Variants in PTPRN2 observed in about 807,000 individuals in gnomAD.
PTPRN2 encodes receptor-type tyrosine-protein phosphatase N2.
In PTPRN2, 74 loss-of-function variants were observed where a neutral mutation model predicts 118.8. That is an observed-to-expected ratio of 0.62 (90% confidence interval 0.52 to 0.76). PTPRN2 has a LOEUF of 0.76. Among genes scored for constraint, PTPRN2 ranks in the 30% least tolerant of loss-of-function variants. PTPRN2 has a pLI of 0.00. For synonymous variants in PTPRN2, 641 were observed against 608.0 expected (o/e 1.05, Z -0.80); for missense variants, 1,481 against 1,394.4 (o/e 1.06, Z -0.99).
intron 2 of PTPRN2, among the ~76,000 whole-genome samples, chr7:158,391,163 C>T (rs576448655): frequency 8.5e-4 from 129 of 152,344 alleles, no homozygotes; most frequent in African/African-American, 2.7e-3. Context: ...ACACCCTAAC[C>T]CAGCAGCTGC....
intron 2 of PTPRN2, among the ~76,000 whole-genome samples, chr7:158,360,784 T>A (rs569506934): frequency 2.1e-4 from 1 of 4,754 alleles, no homozygotes; most frequent in Non-Finnish European, 3.8e-4. Context: ...ACATCCACCC[T>A]CACCCAGGAC....
chr7:158,150,383 C>A (rs1436014740), intron 6 of PTPRN2, among the ~76,000 whole-genome samples: 2 of 152,198 alleles, frequency 1.3e-5, no homozygotes, highest in Non-Finnish European at 2.9e-5. Flanking sequence ...TCTCCGCCCT[C>A]CACATGCAGG....
intron 12 of PTPRN2, among the ~76,000 whole-genome samples, chr7:157,876,541 C>T (rs1280439162): frequency 3.9e-5 from 6 of 152,158 alleles, no homozygotes; most frequent in South Asian, 2.1e-4. Flanking sequence ...CATGAGTAAA[C>T]GGCCCTAGAA....
chr7:157,761,984 C>T (rs368049092), intron 12 of PTPRN2, among the ~76,000 whole-genome samples: 5,019 of 152,222 alleles, frequency 0.033, 166 homozygotes, highest in African/African-American at 0.086. Context: ...CCAAAAAACA[C>T]ATGAAAAAAG....
rs371139638 is a variant in PTPRN2 at position 158,538,097 on chromosome 7, T to TC, written c.113-48313dup. On this transcript the variant is annotated intron_variant, in intron 1 of 22. Coordinates refer to ENST00000389418, the MANE Select transcript of PTPRN2 (RefSeq NM_002847.5). ...AGTAGACCACCACAGGGACAGAGGGTCCCCCTGTGGAGCTCTCTTCCGGAC... is the reference window on the plus strand; with the variant it reads ...AGTAGACCACCACAGGGACAGAGGGTCCCCCCTGTGGAGCTCTCTTCCGGAC... Among the ~76,000 whole-genome samples, 85 of 152,300 alleles carry TC rather than the reference T, an allele frequency of 5.6e-4. 1 individual carries two copies. Among genetic ancestry groups the TC allele is most frequent in the African/African-American group, 2.0e-3 (83 of 41,592 alleles).
rs140794650 is a variant in PTPRN2, at chr7:158,282,441, G to A, written c.277+34378C>T. ...TCAGAGGTGTGTGGGTCTAGGAGAC[G>A]CAGATCAGGAGTCTGGCCTGGCTCA... On this transcript the variant is annotated intron_variant, in intron 3 of 22. Coordinates refer to ENST00000389418, the MANE Select transcript of PTPRN2 (RefSeq NM_002847.5). Among the ~76,000 whole-genome samples the A allele has an allele frequency of 5.7e-3, 861 of 152,334 alleles. 15 individuals are homozygous for A. The highest frequency in any genetic ancestry group is 6.5e-3 in the Non-Finnish European group (445 of 68,044).
At position 157,779,720 on chromosome 7, in the gene PTPRN2, G is replaced by A. The variant is rs939393355; in HGVS notation, c.1789-96783C>T. Among the ~76,000 whole-genome samples the A allele has an allele frequency of 1.3e-5, 2 of 152,224 alleles. No individual in the cohort carries two copies. Among genetic ancestry groups the A allele is most frequent in the Non-Finnish European group, 2.9e-5 (2 of 68,028 alleles). ...GAAGGATGTCCTGATGAGGGGTCCT[G>A]AGGGTCTGGGGAAGGCGCTGTGGCC... On this transcript the variant is annotated intron_variant, in intron 12 of 22. Transcript: ENST00000389418. This position sits in a 1 kb window ranked among gnomAD's most constrained non-coding sequence, Gnocchi z 4.7.
At chr7:158,487,929 T>C (rs1225124899) in intron 2 of PTPRN2, among the ~76,000 whole-genome samples, 1 of 152,218 alleles carries the variant, frequency 6.6e-6, no homozygotes, top group Non-Finnish European at 1.5e-5. Context: ...TATTTACATT[T>C]AAATTGCTTT....
At chr7:158,386,213 C>T (rs1275617775) in intron 2 of PTPRN2, among the ~76,000 whole-genome samples, 16 of 140,662 alleles carry the variant, frequency 1.1e-4, no homozygotes, top group African/African-American at 4.4e-4. Context: ...GTCCCTCCTC[C>T]TGTGCTCTGA....
intron 12 of PTPRN2, among the ~76,000 whole-genome samples, chr7:157,823,787 A>G (rs1489411256): frequency 6.6e-6 from 1 of 152,082 alleles, no homozygotes; most frequent in African/African-American, 2.4e-5. Context: ...ATGTCCTGAG[A>G]CTTAGGTTTT....
chr7:158,081,253 C>G (rs1272624686), intron 11 of PTPRN2, 45 bp downstream of exon 11: 4 of 1,521,912 alleles, frequency 2.6e-6, no homozygotes, highest in Non-Finnish European at 3.6e-6. Context: ...TGTGTGTGTG[C>G]ACACACGTGT....
intron 21 of PTPRN2, among the ~76,000 whole-genome samples, chr7:157,567,518 T>A (rs1799547618): frequency 6.6e-6 from 1 of 151,938 alleles, no homozygotes; most frequent in African/African-American, 2.4e-5. Context: ...TGTTGTTTTA[T>A]CTTCACATAT....
chr7:157,656,375 G>T lies in PTPRN2; in HGVS notation c.2178C>A (p.Ser726=), dbSNP rs17853262. ...EEPVQSNMDI[S]TGHMILSYME... is the part of the protein sequence containing the mutation. ...GGCTTACCAGGATCATGTGGCCGGT[G>T]GAGATGTCCATGTTGGACTGCACAG... The change falls in exon 14 of 23, where the codon TCC becomes TCA. Residue 726 remains serine, a synonymous_variant. Coordinates refer to ENST00000389418, the MANE Select transcript of PTPRN2 (RefSeq NM_002847.5). The T allele has an allele frequency of 3.3e-5, 51 of 1,551,026 alleles. No homozygotes were observed. The East Asian group carries it at 1.2e-3, about 36-fold the overall frequency.
At chr7:158,539,817 G>C in intron 1 of PTPRN2, 1 of 250,520 alleles carries the variant, frequency 4.0e-6, no homozygotes, top group Non-Finnish European at 7.8e-6. Context: ...TGTGAGCCTG[G>C]AGCTGGTGGC....
chr7:158,340,129 T>C (rs1388713321), intron 2 of PTPRN2, among the ~76,000 whole-genome samples: 6 of 62,786 alleles, frequency 9.6e-5, no homozygotes, highest in African/African-American at 2.9e-4. Flanking sequence ...AGGTGACACC[T>C]GGAGACGTCA....
At chr7:158,343,100 C>T (rs1226395253) in intron 2 of PTPRN2, among the ~76,000 whole-genome samples, 1 of 152,148 alleles carries the variant, frequency 6.6e-6, no homozygotes, top group African/African-American at 2.4e-5. Context: ...CATCAAAGGA[C>T]ACTATTAGCA....
At chr7:157,889,474 G>A (rs763314197) in intron 12 of PTPRN2, among the ~76,000 whole-genome samples, 12 of 152,178 alleles carry the variant, frequency 7.9e-5, no homozygotes, top group Non-Finnish European at 1.3e-4. Context: ...CCCCATTCAC[G>A]GAGTGCCTCT....
At chr7:158,238,062 CCA>C (rs1281800462) in intron 3 of PTPRN2, among the ~76,000 whole-genome samples, 1 of 152,180 alleles carries the variant, frequency 6.6e-6, no homozygotes, top group Non-Finnish European at 1.5e-5. Flanking sequence ...CACACAATCT[CCA>C]CAGTGCAGCC....
Position 157,674,392 on chromosome 7 carries a change from T to C in PTPRN2, c.2001+8333A>G, listed in dbSNP as rs1216439130. Among the ~76,000 whole-genome samples the C allele has an allele frequency of 6.6e-6, 1 of 152,190 alleles. No homozygotes were observed. The highest frequency in any genetic ancestry group is 6.5e-5 in the Admixed American group (1 of 15,292). On this transcript the variant is annotated intron_variant, in intron 13 of 22. Transcript: ENST00000389418. This position sits in a 1 kb window ranked among gnomAD's most constrained non-coding sequence, Gnocchi z 4.5. ...GTGATCCCCGTTTGACATTTGGAAA[T>C]GACTTTCATCTGCTGGGTCCTCCTC...
Sources: gnomAD v4.1 joint callset for allele counts (sites outside exome capture counted in the v4.1 genomes callset) on GRCh38, gnomAD v4.1.1 for gene constraint, Gnocchi (gnomAD v3.1) non-coding constraint, MANE v1.5 for transcripts, NCBI Gene and HGNC (gene_info 2026-07-23, HGNC 2026-07-21) for gene names.